VTI1A: variants seen among roughly 807,000 people sequenced by gnomAD.
VTI1A encodes the protein vesicle transport through interaction with t-SNAREs homolog 1A.
Under a neutral mutation model 34.9 loss-of-function variants are expected in VTI1A, and 22 were observed. The ratio of observed to expected loss-of-function variants is 0.63; its 90% CI spans 0.45 to 0.90. The LOEUF (loss-of-function observed/expected upper bound fraction) is 0.90, where lower values mean the gene tolerates loss of function less well. VTI1A is among the 40% of genes least tolerant of loss of function. The probability of loss-of-function intolerance (pLI) is 0.00; values close to 1 mark genes in which losing one functional copy is unlikely to be tolerated. For missense variants in VTI1A, 268 were observed against 275.6 expected, an observed-to-expected ratio of 0.97 and a Z score of 0.20; for synonymous variants, 87 against 97.3, an observed-to-expected ratio of 0.89 and a Z score of 0.62.
At chr10:112,614,740 G>A (rs1212032853) in intron 5 of VTI1A, among the ~76,000 whole-genome samples, 2 of 152,114 alleles carry the variant, frequency 1.3e-5, no homozygotes, top group African/African-American at 4.8e-5. Flanking sequence ...GTGAGTTTGT[G>A]AAATCAGGTT....
intron 5 of VTI1A, among the ~76,000 whole-genome samples, chr10:112,593,448 G>T (rs1015817768): frequency 6.6e-6 from 1 of 152,212 alleles, no homozygotes; most frequent in African/African-American, 2.4e-5. Flanking sequence ...TTCAGAGCAT[G>T]TGGGTGTCAG....
intron 7 of VTI1A, among the ~76,000 whole-genome samples, chr10:112,753,510 T>C (rs909088832): frequency 6.6e-6 from 1 of 152,220 alleles, no homozygotes; most frequent in African/African-American, 2.4e-5. Context: ...AGACAAAACC[T>C]GTAATTACTA....
intron 1 of VTI1A, among the ~76,000 whole-genome samples, chr10:112,453,751 C>T (rs1847326605): frequency 1.3e-5 from 2 of 151,944 alleles, no homozygotes; most frequent in South Asian, 4.1e-4. Flanking sequence ...TGTTTCAGTG[C>T]TAGAATCAGC....
chr10:112,454,558 T>G (rs1173509043), intron 1 of VTI1A, among the ~76,000 whole-genome samples: 2 of 152,136 alleles, frequency 1.3e-5, no homozygotes, highest in East Asian at 3.8e-4. Flanking sequence ...GCTATGATCA[T>G]GCCACTGCAC....
chr10:112,590,994 C>T (rs919719817), intron 5 of VTI1A, among the ~76,000 whole-genome samples: 46 of 152,048 alleles, frequency 3.0e-4, no homozygotes, highest in Middle Eastern at 3.4e-3. Flanking sequence ...CCAGCTACTC[C>T]GGAGGCTTAG....
intron 3 of VTI1A, among the ~76,000 whole-genome samples, chr10:112,514,093 CT>C (rs1849698326): frequency 6.6e-6 from 1 of 151,968 alleles, no homozygotes; most frequent in African/African-American, 2.4e-5. Flanking sequence ...GGCATCAGTT[CT>C]TCTTTAAATG....
At chr10:112,515,077 G>A (rs961706397) in intron 3 of VTI1A, among the ~76,000 whole-genome samples, 6 of 151,910 alleles carry the variant, frequency 3.9e-5, no homozygotes, top group Non-Finnish European at 7.4e-5. Context: ...AATTAGATTT[G>A]TTTAGAAAAT....
rs1847568871 is a variant in VTI1A at position 112,457,318 on chromosome 10, T to G, written c.95-3206T>G. ...CTTGCTGTGTCCTGCATTATGTATTTAACTTACTTTCATTTTTTGAAAACT... is the reference window on the plus strand; with the variant it reads ...CTTGCTGTGTCCTGCATTATGTATTGAACTTACTTTCATTTTTTGAAAACT... On this transcript the variant is annotated intron_variant, in intron 1 of 7. Coordinates refer to ENST00000393077, the MANE Select transcript of VTI1A (RefSeq NM_145206.4). 2.0e-5 allele frequency among the ~76,000 whole-genome samples: 3 copies of G among 152,240 alleles called. No homozygotes were observed. The South Asian group carries it at 6.2e-4, about 32-fold the overall frequency.
At chr10:112,757,191 ACAGT>A (rs755886313) in intron 7 of VTI1A, among the ~76,000 whole-genome samples, 2 of 152,068 alleles carry the variant, frequency 1.3e-5, no homozygotes, top group Non-Finnish European at 2.9e-5. Flanking sequence ...TAGCAGAGAG[ACAGT>A]CAGTCAAGCA....
At chr10:112,741,275 G>A (rs1018047219) in intron 7 of VTI1A, among the ~76,000 whole-genome samples, 1 of 152,120 alleles carries the variant, frequency 6.6e-6, no homozygotes, top group Non-Finnish European at 1.5e-5. Context: ...GGCCAACATG[G>A]TGGAACCCCG....
chr10:112,483,777 C>CAG (rs10554766), intron 3 of VTI1A, among the ~76,000 whole-genome samples: 12 of 151,044 alleles, frequency 7.9e-5, no homozygotes, highest in East Asian at 5.9e-4. Flanking sequence ...ATGGGGATTT[C>CAG]AGAGAGAGAG....
intron 7 of VTI1A, among the ~76,000 whole-genome samples, chr10:112,754,466 T>C (rs1851213068): frequency 6.6e-6 from 1 of 152,222 alleles, no homozygotes; most frequent in Non-Finnish European, 1.5e-5. Context: ...AAGTAAAAGT[T>C]CATTGTAGAA....
At chr10:112,612,263 G>A (rs1589973122) in intron 5 of VTI1A, among the ~76,000 whole-genome samples, 1 of 151,992 alleles carries the variant, frequency 6.6e-6, no homozygotes, top group Admixed American at 6.6e-5. Flanking sequence ...AGGAAAACAC[G>A]GTTTTAATTA....
chr10:112,761,957 A>G (rs1851484088), intron 7 of VTI1A, among the ~76,000 whole-genome samples: 2 of 152,110 alleles, frequency 1.3e-5, no homozygotes, highest in African/African-American at 4.8e-5. Flanking sequence ...CAGTGAACTG[A>G]TTTACAGCAG....
intron 7 of VTI1A, among the ~76,000 whole-genome samples, chr10:112,672,543 G>T (rs1400849480): frequency 6.6e-6 from 1 of 152,096 alleles, no homozygotes; most frequent in South Asian, 2.1e-4. Flanking sequence ...AATGAAAATG[G>T]TCATGAAACA....
chr10:112,557,344 T>C (rs1391208077), intron 5 of VTI1A, among the ~76,000 whole-genome samples: 2 of 152,140 alleles, frequency 1.3e-5, no homozygotes, highest in African/African-American at 4.8e-5. Flanking sequence ...AGGAGATTAG[T>C]GGAAAATAAG....
chr10:112,749,850 A>G (rs545201220), intron 7 of VTI1A, among the ~76,000 whole-genome samples: 4 of 152,362 alleles, frequency 2.6e-5, no homozygotes, highest in African/African-American at 7.2e-5. Context: ...TAGAAGCAAC[A>G]TAAATGTTCA....
At position 112,760,761 on chromosome 10, in the gene VTI1A, C is replaced by T. The variant is rs753057973; in HGVS notation, c.561-54529C>T. Among the ~76,000 whole-genome samples the T allele has an allele frequency of 1.2e-3, 186 of 151,988 alleles. 1 individual carries two copies. Among genetic ancestry groups the T allele is most frequent in the Non-Finnish European group, 1.8e-3 (123 of 67,954 alleles). ...AAAATTAGCTGGGCATGGTGGTGTG[C>T]GCCTGTAATCCCAGGTACCGGGGAG... On this transcript the variant is annotated intron_variant, in intron 7 of 7. Transcript: ENST00000393077.
intron 5 of VTI1A, among the ~76,000 whole-genome samples, chr10:112,594,227 G>A (rs1844525345): frequency 6.6e-6 from 1 of 152,012 alleles, no homozygotes; most frequent in Non-Finnish European, 1.5e-5. Context: ...TTTTAAACTT[G>A]GTCACTTCAC....
Sources: allele counts gnomAD v4.1 joint callset (sites outside exome capture counted in the v4.1 genomes callset), GRCh38; gene constraint gnomAD v4.1.1; transcripts MANE v1.5; gene names NCBI Gene and HGNC (gene_info 2026-07-23, HGNC 2026-07-21).